Variants in TRIM8 observed in about 807,000 individuals in gnomAD.
The protein encoded by TRIM8 is tripartite motif containing 8, also known as E3 ubiquitin-protein ligase TRIM8.
Under a neutral mutation model 55.7 loss-of-function variants are expected in TRIM8, and 9 were observed. The ratio of observed to expected loss-of-function variants is 0.16; its 90% confidence interval spans 0.10 to 0.28. The LOEUF (loss-of-function observed/expected upper bound fraction) is 0.28. Ranked by LOEUF, TRIM8 falls within the 10% of genes least tolerant of loss-of-function variation. TRIM8 has a pLI of 1.00. For synonymous variants in TRIM8, 335 were observed against 333.3 expected (o/e 1.01, Z -0.06); for missense variants, 556 against 736.4 (o/e 0.76, Z 2.83).
intron 1 of TRIM8, among the ~76,000 whole-genome samples, chr10:102,652,804 CTTTT>C (rs11455358): frequency 6.9e-6 from 1 of 144,108 alleles, no homozygotes; most frequent in Non-Finnish European, 1.5e-5. Flanking sequence ...CGATACTTAA[CTTTT>C]TTTTTTTTTT....
chr10:102,655,969 T>G, intron 3 of TRIM8, 137 bp from the exon 4 acceptor site: 2 of 1,244,140 alleles, frequency 1.6e-6, no homozygotes, highest in Non-Finnish European at 2.3e-6. Flanking sequence ...CCCCTACCCC[T>G]GCCACTTTCT....
intron 1 of TRIM8, among the ~76,000 whole-genome samples, chr10:102,649,442 C>T (rs554740267): frequency 3.0e-4 from 46 of 152,306 alleles, no homozygotes; most frequent in Middle Eastern, 6.8e-3. Context: ...GTGTTGGGTG[C>T]AGTCTGGCGA....
intron 1 of TRIM8, chr10:102,645,874 C>T (rs542658381): frequency 1.9e-4 from 29 of 152,380 alleles, no homozygotes; most frequent in African/African-American, 5.5e-4. Context: ...CATGAACAAG[C>T]CTTCAAGTAT....
chr10:102,654,277 C>G (rs535852210), intron 1 of TRIM8: 1 of 174,512 alleles, frequency 5.7e-6, no homozygotes, highest in African/African-American at 2.4e-5. Context: ...TCTACTAAAA[C>G]TACAAAAAAA....
chr10:102,656,216 G>A lies in TRIM8; in HGVS notation c.933-54G>A. On this transcript the variant is annotated intron_variant, in intron 4 of 5. Coordinates refer to ENST00000643721, the MANE Select transcript of TRIM8 (RefSeq NM_030912.3). The surrounding 1 kb of genome is among the most constrained non-coding windows in gnomAD (Gnocchi z 4.6). ...GCCAGGCCCATGGCGGGGAGGTAGG[G>A]CGGGCTCACCGGTGATGCCTCCTCA... is the stretch of plus-strand genomic sequence containing the variant. 6.2e-7 allele frequency: 1 copy of A among 1,614,078 alleles called. No homozygotes were observed. Among genetic ancestry groups the A allele is most frequent in the South Asian group, 1.1e-5 (1 of 91,082 alleles).
intron 1 of TRIM8, among the ~76,000 whole-genome samples, chr10:102,647,772 C>T (rs2063947784): frequency 6.6e-6 from 1 of 151,938 alleles, no homozygotes; most frequent in Non-Finnish European, 1.5e-5. Flanking sequence ...GCTTCTTGTG[C>T]GTCCTCTTCT....
chr10:102,657,396 G>T lies in TRIM8; in HGVS notation c.*42G>T. On this transcript the variant is annotated 3_prime_UTR_variant, in exon 6 of 6. Transcript: ENST00000643721. ...GGGCGCTGGGGAATCTTCCTCCCCAGCCCCCGGGCTCGGGAGTTATGCATC... is the reference window on the plus strand; with the variant it reads ...GGGCGCTGGGGAATCTTCCTCCCCATCCCCCGGGCTCGGGAGTTATGCATC... 1.3e-6 allele frequency: 2 copies of T among 1,520,252 alleles called. No individual in the cohort carries two copies. The allele number at this position is 1,520,252 out of a possible 1,614,324, so 94.2% of individuals were successfully genotyped here. A position where few individuals can be genotyped will look rare whatever the true frequency, so the allele number is the denominator to read the frequency against.
At chr10:102,647,221 GGT>G (rs1412810248) in intron 1 of TRIM8, among the ~76,000 whole-genome samples, 2 of 152,088 alleles carry the variant, frequency 1.3e-5, no homozygotes, top group African/African-American at 4.8e-5. Context: ...AACTCCGCAG[GGT>G]GTGTGTGTGC....
In TRIM8 at chr10:102,657,338, A is replaced by T; in HGVS notation, c.1640A>T (p.His547Leu). 1 of 1,586,164 alleles carries T rather than the reference A, an allele frequency of 6.3e-7. No homozygotes were observed. Among genetic ancestry groups the T allele is most frequent in the Non-Finnish European group, 8.6e-7 (1 of 1,163,098 alleles). Residue 547 changes from histidine to leucine, a missense_variant, in exon 6 of 6, where the codon CAC becomes CTC. By Grantham distance (99) the His-to-Leu change is moderately conservative (BLOSUM62 -3). Around this residue, in one of 2 missense-constraint regions of TRIM8, gnomAD observed 391 missense variants for 441.0 expected, o/e 0.89. Coordinates refer to ENST00000643721, the MANE Select transcript of TRIM8 (RefSeq NM_030912.3). ...GTGTATGGGCAGCCGTCCACCAAAC[A>T]CTACGTGACGAGCTAACGCCACGCA... ...YRVYGQPSTK[H>L]YVTS
At chr10:102,646,080 A>T (rs935307418) in intron 1 of TRIM8, among the ~76,000 whole-genome samples, 43 of 151,992 alleles carry the variant, frequency 2.8e-4, no homozygotes, top group Non-Finnish European at 3.7e-4. Flanking sequence ...CCCATTGTAT[A>T]CACCCTGCGG....
rs901711182 is a variant in TRIM8 at position 102,658,068 on chromosome 10, ATAT to A, written c.*717_*719del. ...ACCACAGCAAAAGCAAATAATAATA[ATAT>A]TAATAATAATAAAGAGAAATAAAAT... On this transcript the variant is annotated 3_prime_UTR_variant, in exon 6 of 6. Transcript: ENST00000643721. 51 of 152,224 alleles carry A rather than the reference ATAT, an allele frequency of 3.4e-4. No homozygotes were observed. Among genetic ancestry groups the A allele is most frequent in the Admixed American group, 1.3e-3 (20 of 15,272 alleles). The allele number at this position is 152,224 out of a possible 1,614,324, so 9.4% of individuals were successfully genotyped here. A position where few individuals can be genotyped will look rare whatever the true frequency, so the allele number is the denominator to read the frequency against.
Position 102,657,351 on chromosome 10 carries a change from C to T in TRIM8, c.1653C>T (p.Ser551=), listed in dbSNP as rs1343397336. 6.4e-7 allele frequency: 1 copy of T among 1,562,428 alleles called. No homozygotes were observed. Among genetic ancestry groups the T allele is most frequent in the Non-Finnish European group, 8.7e-7 (1 of 1,150,460 alleles). The change falls in exon 6 of 6, where the codon AGC becomes AGT. Residue 551 remains serine (S), a synonymous_variant. Coordinates refer to ENST00000643721, the MANE Select transcript of TRIM8 (RefSeq NM_030912.3). ...GQPSTKHYVT[S] is the part of the protein sequence containing the mutation. ...CGTCCACCAAACACTACGTGACGAG[C>T]TAACGCCACGCAGGCGGCGGGGCGC... is the stretch of plus-strand genomic sequence containing the variant.
Position 102,655,986 on chromosome 10 carries a change from A to C in TRIM8, c.901-120A>C, listed in dbSNP as rs2064020086. 2.8e-6 allele frequency: 4 copies of C among 1,450,638 alleles called. No individual in the cohort carries two copies. In the Admixed American group the frequency reaches 6.7e-5, roughly 24 times the overall value. 89.9% of individuals were successfully genotyped at this position (1,450,638 alleles called of 1,614,324 possible). A position where few individuals can be genotyped will look rare whatever the true frequency, so the allele number is the denominator to read the frequency against. ...CCTACCCCTGCCACTTTCTGTCCAG[A>C]ATGAGAGGATCCACCCAGCCTGGGG... On this transcript the variant is annotated intron_variant, in intron 3 of 5. Coordinates refer to ENST00000643721, the MANE Select transcript of TRIM8 (RefSeq NM_030912.3).
chr10:102,650,929 G>A (rs1458062262), intron 1 of TRIM8, among the ~76,000 whole-genome samples: 2 of 152,144 alleles, frequency 1.3e-5, no homozygotes, highest in African/African-American at 4.8e-5. Context: ...TCGTGAAGGG[G>A]ACGGCAGGCA....
At chr10:102,655,790 A>G (rs554817470) in intron 3 of TRIM8, among the ~76,000 whole-genome samples, 1 of 152,348 alleles carries the variant, frequency 6.6e-6, no homozygotes, top group African/African-American at 2.4e-5. Flanking sequence ...AAAAAATTCC[A>G]AATTCCAAAA....
In TRIM8 at chr10:102,657,165, C is replaced by T; in HGVS notation, c.1467C>T (p.Arg489=). 1 of 1,613,876 alleles carries T rather than the reference C, an allele frequency of 6.2e-7. No homozygotes were observed. Among genetic ancestry groups the T allele is most frequent in the Non-Finnish European group, 8.5e-7 (1 of 1,179,952 alleles). The change falls in exon 6 of 6, where the codon CGC becomes CGT. Residue 489 remains arginine (R), a synonymous_variant. Transcript: ENST00000643721. ...ANHGGHQPYP[R]SGHFPWTVPS... ...ATGGCGGCCACCAGCCCTACCCCCG[C>T]TCCGGCCACTTTCCCTGGACAGTGC...
At chr10:102,651,131 T>C (rs1055350152) in intron 1 of TRIM8, among the ~76,000 whole-genome samples, 3 of 152,100 alleles carry the variant, frequency 2.0e-5, no homozygotes, top group Non-Finnish European at 4.4e-5. Context: ...CTCCAACCCC[T>C]GCAGCAGAGA....
rs759110071 is a variant in TRIM8 at position 102,657,361 on chromosome 10, G to A, written c.*7G>A. 3 of 1,548,876 alleles carry A rather than the reference G, an allele frequency of 1.9e-6. No homozygotes were observed. The highest frequency in any genetic ancestry group is 1.2e-5 in the South Asian group (1 of 82,000). ...ACACTACGTGACGAGCTAACGCCAC[G>A]CAGGCGGCGGGGCGCTGGGGAATCT... is the stretch of plus-strand genomic sequence containing the variant. On this transcript the variant is annotated 3_prime_UTR_variant, in exon 6 of 6. Transcript: ENST00000643721.
At position 102,657,233 on chromosome 10, in the gene TRIM8, T is replaced by C; in HGVS notation, c.1535T>C (p.Val512Ala). Residue 512 changes from valine to alanine, a missense_variant, in exon 6 of 6, where the codon GTC becomes GCC. Physicochemically the swap from Val to Ala is moderately conservative, Grantham distance 64. Transcript: ENST00000643721. ...YSHPLPPTPS[V>A]PQSLPSLAVR... ...CACCCGCTCCCGCCCACACCCTCCG[T>C]CCCCCAGTCCCTTCCCAGCCTGGCG... is the stretch of plus-strand genomic sequence containing the variant. The C allele has an allele frequency of 6.2e-7, 1 of 1,613,732 alleles. No homozygotes were observed. Among genetic ancestry groups the C allele is most frequent in the Middle Eastern group, 1.7e-4 (1 of 6,060 alleles).
Sources: allele counts gnomAD v4.1 joint callset (sites outside exome capture counted in the v4.1 genomes callset), GRCh38; gene constraint gnomAD v4.1.1; regional missense constraint gnomAD v4.1.1; non-coding constraint Gnocchi (gnomAD v3.1); transcripts MANE v1.5; gene names NCBI Gene and HGNC (gene_info 2026-07-23, HGNC 2026-07-21).